The following SORBS2 variants were observed in gnomAD, a reference collection of about 807,000 sequenced individuals.
SORBS2 encodes sorbin and SH3 domain-containing protein 2.
In SORBS2, 46 loss-of-function variants were observed where a neutral mutation model predicts 97.7. That is an observed-to-expected ratio of 0.47 (90% CI 0.37 to 0.60). The LOEUF is 0.60. Ranked by LOEUF, SORBS2 falls within the 20% of genes least tolerant of loss-of-function variation. The pLI is 0.00. For synonymous variants in SORBS2, 476 were observed against 473.4 expected (o/e 1.01, Z -0.07); for missense variants, 1,316 against 1,282.3 (o/e 1.03, Z -0.40).
At chr4:185,874,099 T>A (rs550014711) in intron 1 of SORBS2, among the ~76,000 whole-genome samples, 25 of 152,330 alleles carry the variant, frequency 1.6e-4, no homozygotes, top group African/African-American at 5.8e-4. Flanking sequence ...TCTACAAGGA[T>A]GTCCATCATA....
intron 2 of SORBS2, among the ~76,000 whole-genome samples, chr4:185,719,920 A>G (rs2153558918): frequency 6.6e-6 from 1 of 152,248 alleles, no homozygotes; most frequent in African/African-American, 2.4e-5. Flanking sequence ...CTAAGATTAC[A>G]TTTTTCAGTT....
chr4:185,881,968 C>T (rs2099237126), intron 1 of SORBS2, among the ~76,000 whole-genome samples: 1 of 152,092 alleles, frequency 6.6e-6, no homozygotes, highest in African/African-American at 2.4e-5. Context: ...ATCTTTGTTT[C>T]ATTATTTTAA....
At chr4:185,797,479 G>T (rs2099110416) in intron 1 of SORBS2, among the ~76,000 whole-genome samples, 1 of 151,960 alleles carries the variant, frequency 6.6e-6, no homozygotes, top group Admixed American at 6.6e-5. Context: ...TTTCCCTAAA[G>T]AATTAACCCA....
rs538925353 is a variant in SORBS2 at position 185,818,774 on chromosome 4, C to T, written c.-337-43408G>A. On this transcript the variant is annotated intron_variant, in intron 1 of 20. Coordinates refer to the SORBS2 transcript ENST00000284776. The stretch of plus-strand genomic sequence containing the variant: ...CCAGGAGGCGGAGGTTGCAGTGAGC[C>T]GAGATCGTGCCACTGCACTCCAGCC... Among the ~76,000 whole-genome samples, 320 of 151,064 alleles carry T rather than the reference C, an allele frequency of 2.1e-3. 1 individual carries two copies. The highest frequency in any genetic ancestry group is 5.6e-3 in the African/African-American group (232 of 41,196).
chr4:185,760,168 T>A (rs1368389482), intron 2 of SORBS2, among the ~76,000 whole-genome samples: 2 of 152,266 alleles, frequency 1.3e-5, no homozygotes, highest in Non-Finnish European at 2.9e-5. Context: ...CCATATGTAC[T>A]ATGTTTTGTT....
intron 1 of SORBS2, among the ~76,000 whole-genome samples, chr4:185,955,831 C>G (rs922317778): frequency 5.9e-5 from 9 of 152,108 alleles, no homozygotes; most frequent in African/African-American, 1.9e-4. Context: ...TTGCAGCAAC[C>G]TTTGAGATAC....
chr4:185,745,512 C>A (rs1256829516), intron 2 of SORBS2, among the ~76,000 whole-genome samples: 1 of 152,236 alleles, frequency 6.6e-6, no homozygotes, highest in Non-Finnish European at 1.5e-5. Flanking sequence ...CCTCACATCA[C>A]ATCTTCCTCA....
chr4:185,637,941 C>T lies in SORBS2; in HGVS notation c.397-7343G>A, dbSNP rs1025879509. 2.2e-5 allele frequency: 14 copies of T among 639,234 alleles called. 1 individual carries two copies. Among genetic ancestry groups the T allele is most frequent in the Admixed American group, 4.7e-5 (2 of 42,194 alleles). The allele number at this position is 639,234 out of a possible 1,614,324, so 39.6% of individuals were successfully genotyped here. On this transcript the variant is annotated intron_variant, in intron 4 of 14. Transcript: ENST00000418609. ...TTGGTACAGAAATGAATCTGGACTA[C>T]GCTGTACCAAGTGTGTGTATACATT... is the stretch of plus-strand genomic sequence containing the variant.
At chr4:185,819,157 A>G (rs1473051457) in intron 1 of SORBS2, among the ~76,000 whole-genome samples, 1 of 152,260 alleles carries the variant, frequency 6.6e-6, no homozygotes, top group Non-Finnish European at 1.5e-5. Flanking sequence ...TACAAGAGAC[A>G]GAGCTATATT....
intron 1 of SORBS2, among the ~76,000 whole-genome samples, chr4:185,820,560 C>T (rs569133111): frequency 6.6e-6 from 1 of 152,182 alleles, no homozygotes; most frequent in Non-Finnish European, 1.5e-5. Flanking sequence ...GAGTAGGGAG[C>T]TGAGACCACA....
chr4:185,752,315 G>A (rs945685740), intron 2 of SORBS2, among the ~76,000 whole-genome samples: 11 of 151,640 alleles, frequency 7.3e-5, no homozygotes, highest in Admixed American at 2.6e-4. Context: ...TCGCTCTGTC[G>A]CCCAGGCTGG....
intron 1 of SORBS2, among the ~76,000 whole-genome samples, chr4:185,903,091 A>T (rs1029870055): frequency 6.6e-6 from 1 of 152,354 alleles, no homozygotes; most frequent in African/African-American, 2.4e-5. Context: ...GGAGCAAAAT[A>T]TGCATGTAAC....
chr4:185,623,934 G>C lies in SORBS2; in HGVS notation c.1195C>G (p.Gln399Glu). 1 of 1,614,176 alleles carries C rather than the reference G, an allele frequency of 6.2e-7. No individual in the cohort carries two copies. The highest frequency in any genetic ancestry group is 1.6e-4 in the Middle Eastern group (1 of 6,062). The change falls in exon 7 of 15, where the codon CAG becomes GAG. Residue 399 changes from glutamine to glutamate, a missense_variant. Gln to Glu is a conservative substitution (Grantham distance 29, BLOSUM62 2). Transcript: ENST00000418609. This position sits in a 1 kb window ranked among gnomAD's most constrained non-coding sequence, Gnocchi z 6.4. The stretch of plus-strand genomic sequence containing the variant: ...CGGGGCACCTCCTCCGTGGAGCACT[G>C]GCTCCAGGCGCGCAGCAGGTCCTTG...
intron 1 of SORBS2, among the ~76,000 whole-genome samples, chr4:185,950,183 C>T (rs188098859): frequency 9.6e-4 from 144 of 150,784 alleles, no homozygotes; most frequent in Middle Eastern, 6.8e-3. Context: ...ACCCAGGAGG[C>T]GGAGGTTGCA....
intron 2 of SORBS2, among the ~76,000 whole-genome samples, chr4:185,738,595 A>G (rs2098703274): frequency 6.6e-6 from 1 of 152,236 alleles, no homozygotes. Flanking sequence ...TCACATGTCC[A>G]GGATTTTTTC....
rs2099220373 is a variant in SORBS2, at chr4:185,855,818, G to A, written c.-337-80452C>T. 2.0e-5 allele frequency among the ~76,000 whole-genome samples: 3 copies of A among 152,058 alleles called. No individual in the cohort carries two copies. The South Asian group carries it at 6.2e-4, about 32-fold the overall frequency. On this transcript the variant is annotated intron_variant, in intron 1 of 20. Coordinates refer to the SORBS2 transcript ENST00000284776. Reference sequence around the variant, plus strand: ...TGTTTGCTGTTGTCATTTACATCTGGGACCCTAGTTAGCATGAAGATGCCA... The same window carrying A: ...TGTTTGCTGTTGTCATTTACATCTGAGACCCTAGTTAGCATGAAGATGCCA...
chr4:185,657,496 T>G, upstream of SORBS2: 1 of 1,569,740 alleles, frequency 6.4e-7, no homozygotes, highest in Non-Finnish European at 8.6e-7. Context: ...CTTTGATGAC[T>G]GTCACTCTCT....
chr4:185,881,820 A>C (rs2099237046), intron 1 of SORBS2, among the ~76,000 whole-genome samples: 2 of 152,190 alleles, frequency 1.3e-5, no homozygotes, highest in Admixed American at 1.3e-4. Context: ...AAGCATTAGG[A>C]GGTAGGGGAA....
chr4:185,670,236 G>A (rs543618431), intron 4 of SORBS2, among the ~76,000 whole-genome samples: 4 of 151,952 alleles, frequency 2.6e-5, no homozygotes, highest in Admixed American at 1.3e-4. Context: ...AAAAAAAAAG[G>A]TTTATTTTGC....
Sources: allele counts gnomAD v4.1 joint callset (sites outside exome capture counted in the v4.1 genomes callset), GRCh38; gene constraint gnomAD v4.1.1; non-coding constraint Gnocchi (gnomAD v3.1); transcripts MANE v1.5; gene names NCBI Gene and HGNC (gene_info 2026-07-23, HGNC 2026-07-21).